Variants in DPYD observed in about 807,000 individuals in gnomAD.
DPYD encodes dihydropyrimidine dehydrogenase.
In DPYD, 109 loss-of-function variants were observed where a neutral mutation model predicts 116.2. The observed-to-expected ratio is 0.94, with a 90% CI of 0.80 to 1.10. The LOEUF is 1.10. Among genes scored for constraint, DPYD ranks in the 50% least tolerant of loss-of-function variants. The probability of loss-of-function intolerance (pLI) is 0.00; values close to 1 mark genes in which losing one functional copy is unlikely to be tolerated. For synonymous variants in DPYD, 440 were observed against 432.0 expected, an observed-to-expected ratio of 1.02 and a Z score of -0.23; for missense variants, 1,302 against 1,254.5, an observed-to-expected ratio of 1.04 and a Z score of -0.57.
chr1:97,789,018 G>C (rs570763752), intron 3 of DPYD, among the ~76,000 whole-genome samples: 2 of 152,150 alleles, frequency 1.3e-5, no homozygotes, highest in African/African-American at 4.8e-5. Flanking sequence ...TACCCAGGCT[G>C]GTCTCAAACT....
chr1:97,525,871 CGTGT>C (rs536155212), intron 12 of DPYD, among the ~76,000 whole-genome samples: 14 of 123,060 alleles, frequency 1.1e-4, no homozygotes, highest in East Asian at 2.3e-4. Flanking sequence ...TAAGAGTGTG[CGTGT>C]GTGTGTGTGT....
At chr1:97,565,260 C>A (rs940374672) in intron 11 of DPYD, among the ~76,000 whole-genome samples, 1 of 151,948 alleles carries the variant, frequency 6.6e-6, no homozygotes, top group Non-Finnish European at 1.5e-5. Context: ...TATTTTCTAA[C>A]CCCCAACTAT....
chr1:97,296,249 G>C (rs932465387), intron 18 of DPYD: 1 of 152,140 alleles, frequency 6.6e-6, no homozygotes, highest in Non-Finnish European at 1.5e-5. Flanking sequence ...CCAGGTTTCT[G>C]ATTTCAATAA....
At chr1:97,316,695 C>T (rs1667874890) in intron 16 of DPYD, among the ~76,000 whole-genome samples, 1 of 151,672 alleles carries the variant, frequency 6.6e-6, no homozygotes, top group Admixed American at 6.6e-5. Flanking sequence ...AAGTCTAGTT[C>T]TCCCTTTCCG....
chr1:97,851,801 C>A (rs1326997246), intron 2 of DPYD, among the ~76,000 whole-genome samples: 3 of 151,614 alleles, frequency 2.0e-5, no homozygotes, highest in Non-Finnish European at 2.9e-5. Context: ...TGAGGATTTT[C>A]TGTCTACATT....
chr1:97,560,339 T>A (rs1482849669), intron 11 of DPYD, among the ~76,000 whole-genome samples: 1 of 151,910 alleles, frequency 6.6e-6, no homozygotes, highest in Non-Finnish European at 1.5e-5. Context: ...AAAAGAAATA[T>A]AATGTAGGTA....
intron 14 of DPYD, among the ~76,000 whole-genome samples, chr1:97,411,465 C>T (rs1368316070): frequency 6.6e-6 from 1 of 151,910 alleles, no homozygotes; most frequent in Non-Finnish European, 1.5e-5. Flanking sequence ...GAGCTTCCAC[C>T]TCCATTTTGA....
intron 8 of DPYD, among the ~76,000 whole-genome samples, chr1:97,651,154 T>A (rs1658558274): frequency 6.6e-6 from 1 of 152,166 alleles, no homozygotes; most frequent in African/African-American, 2.4e-5. Flanking sequence ...TTGTATATGA[T>A]ACAAAATTTG....
intron 2 of DPYD, among the ~76,000 whole-genome samples, chr1:97,836,493 A>G (rs1200261429): frequency 6.6e-6 from 1 of 152,166 alleles, no homozygotes; most frequent in Non-Finnish European, 1.5e-5. Context: ...TGTGTGTAAG[A>G]TTAAAGTTAG....
chr1:97,599,371 A>G (rs1254789903), intron 8 of DPYD, among the ~76,000 whole-genome samples: 2 of 152,214 alleles, frequency 1.3e-5, no homozygotes, highest in African/African-American at 4.8e-5. Context: ...TTCAGTTAAC[A>G]TGAACAAGAT....
intron 12 of DPYD, among the ~76,000 whole-genome samples, chr1:97,535,121 A>G (rs1379033113): frequency 3.3e-5 from 5 of 152,146 alleles, no homozygotes; most frequent in Non-Finnish European, 5.9e-5. Flanking sequence ...TTAGTTCACA[A>G]CTTGAACCCA....
intron 20 of DPYD, among the ~76,000 whole-genome samples, chr1:97,176,867 A>AGTGTGTGTGTGTGT: frequency 1.7e-5 from 1 of 57,542 alleles, no homozygotes; most frequent in South Asian, 8.4e-4. Context: ...GGGACAAAAA[A>AGTGTGTGTGTGTGT]ATGTGTGTGT....
chr1:97,538,959 G>T (rs188093145), intron 12 of DPYD, among the ~76,000 whole-genome samples: 1 of 152,176 alleles, frequency 6.6e-6, no homozygotes, highest in East Asian at 1.9e-4. Context: ...CCTTAACGTG[G>T]ACACTTACTA....
chr1:97,634,369 A>G (rs578209029), intron 8 of DPYD, among the ~76,000 whole-genome samples: 39 of 152,266 alleles, frequency 2.6e-4, no homozygotes, highest in Middle Eastern at 3.4e-3. Context: ...AAACTTTGAA[A>G]TAAGTATGTC....
At chr1:97,873,353 AG>A (rs1191110916) in intron 2 of DPYD, among the ~76,000 whole-genome samples, 2 of 151,930 alleles carry the variant, frequency 1.3e-5, no homozygotes, top group African/African-American at 4.8e-5. Context: ...TAATTCTTTA[AG>A]GGGGTTCATT....
At chr1:97,678,461 T>G (rs1660261179) in intron 8 of DPYD, among the ~76,000 whole-genome samples, 1 of 152,154 alleles carries the variant, frequency 6.6e-6, no homozygotes, top group South Asian at 2.1e-4. Context: ...ATGACATTCA[T>G]GAGGCAAAGA....
At chr1:97,858,308 T>C (rs1670949760) in intron 2 of DPYD, among the ~76,000 whole-genome samples, 1 of 152,176 alleles carries the variant, frequency 6.6e-6, no homozygotes. Context: ...CGAATTCAAG[T>C]GTTTTTGTTA....
intron 14 of DPYD, among the ~76,000 whole-genome samples, chr1:97,410,731 T>C (rs1673941205): frequency 6.6e-6 from 1 of 152,068 alleles, no homozygotes; most frequent in African/African-American, 2.4e-5. Flanking sequence ...TATAGATAGA[T>C]TTATATTTTA....
At chr1:97,161,925 T>C (rs1475658397) in intron 20 of DPYD, among the ~76,000 whole-genome samples, 2 of 152,080 alleles carry the variant, frequency 1.3e-5, no homozygotes, top group South Asian at 2.1e-4. Flanking sequence ...GGCTACATAG[T>C]ATTCCATGGT....
Sources: allele counts gnomAD v4.1 joint callset (sites outside exome capture counted in the v4.1 genomes callset), GRCh38; gene constraint gnomAD v4.1.1; transcripts MANE v1.5; gene names NCBI Gene and HGNC (gene_info 2026-07-23, HGNC 2026-07-21).